Variants in WWOX observed in about 807,000 individuals in gnomAD.
The protein encoded by WWOX is WW domain-containing oxidoreductase.
Under a neutral mutation model 46.2 loss-of-function variants are expected in WWOX, and 69 were observed. That is an observed-to-expected ratio of 1.49 (90% CI 1.23 to 1.82). WWOX has a LOEUF of 1.82. Among genes scored for constraint, WWOX ranks in the 40% most tolerant of loss-of-function variants. The pLI is 0.00. For synonymous variants in WWOX, 359 were observed against 202.6 expected (o/e 1.77, Z -6.56); for missense variants, 919 against 542.6 (o/e 1.69, Z -6.89).
chr16:78,722,393 G>T (rs558339387), intron 8 of WWOX, among the ~76,000 whole-genome samples: 4 of 152,294 alleles, frequency 2.6e-5, no homozygotes, highest in South Asian at 4.1e-4. Flanking sequence ...TAAGGATTCA[G>T]TGATGGAGAA....
At chr16:79,175,458 C>G (rs562437399) in intron 8 of WWOX, among the ~76,000 whole-genome samples, 2 of 152,292 alleles carry the variant, frequency 1.3e-5, no homozygotes, top group African/African-American at 2.4e-5. Flanking sequence ...CAGTCTGACT[C>G]TCTTTAGCAG....
At chr16:78,291,792 G>T (rs140423937) in intron 5 of WWOX, among the ~76,000 whole-genome samples, 3 of 152,148 alleles carry the variant, frequency 2.0e-5, no homozygotes, top group Admixed American at 2.0e-4. Flanking sequence ...AGCAGGGAAA[G>T]TCACCAAAAG....
At chr16:78,722,840 A>G (rs1342516918) in intron 8 of WWOX, among the ~76,000 whole-genome samples, 1 of 151,942 alleles carries the variant, frequency 6.6e-6, no homozygotes, top group Non-Finnish European at 1.5e-5. Flanking sequence ...CAGTAGTTCA[A>G]GATCAGTCTG....
At chr16:78,931,768 T>A (rs563292498) in intron 8 of WWOX, among the ~76,000 whole-genome samples, 2 of 152,218 alleles carry the variant, frequency 1.3e-5, no homozygotes, top group Non-Finnish European at 2.9e-5. Flanking sequence ...AGGTTAGCAG[T>A]ACCCACTTGA....
intron 8 of WWOX, among the ~76,000 whole-genome samples, chr16:79,081,723 C>T (rs1029815143): frequency 1.3e-5 from 2 of 152,102 alleles, no homozygotes; most frequent in African/African-American, 2.4e-5. Flanking sequence ...GGAATTTAGA[C>T]CATGCCAAGT....
intron 5 of WWOX, chr16:78,267,237 A>G (rs1263451609): frequency 6.6e-6 from 1 of 152,154 alleles, no homozygotes; most frequent in South Asian, 2.1e-4. Flanking sequence ...GTACCCACAC[A>G]CACGTAATTT....
intron 4 of WWOX, among the ~76,000 whole-genome samples, chr16:78,121,824 A>G (rs1418429602): frequency 1.3e-5 from 2 of 151,800 alleles, no homozygotes; most frequent in Admixed American, 6.6e-5. Context: ...ACCACTCCCT[A>G]CTAATTTTAT....
intron 8 of WWOX, among the ~76,000 whole-genome samples, chr16:78,572,973 T>A (rs986847073): frequency 3.3e-5 from 5 of 152,158 alleles, no homozygotes; most frequent in African/African-American, 1.2e-4. Flanking sequence ...TCTGAAAGAA[T>A]CTGCTTCCTG....
chr16:78,454,178 A>C (rs984662816), intron 8 of WWOX, among the ~76,000 whole-genome samples: 1 of 152,148 alleles, frequency 6.6e-6, no homozygotes, highest in South Asian at 2.1e-4. Context: ...TTGTTTCCCA[A>C]ACTTTCAATG....
intron 5 of WWOX, among the ~76,000 whole-genome samples, chr16:78,333,043 CTTTTTTTTTT>C (rs11289222): frequency 0.087 from 4,973 of 57,372 alleles, 486 homozygotes; most frequent in African/African-American, 0.25. Context: ...GAGCATTATA[CTTTTTTTTTT>C]TTTTTTTTTT....
intron 8 of WWOX, among the ~76,000 whole-genome samples, chr16:78,973,440 A>G (rs1461549677): frequency 6.6e-6 from 1 of 152,210 alleles, no homozygotes; most frequent in Non-Finnish European, 1.5e-5. Flanking sequence ...TTAGCCAACC[A>G]AGTATGAATT....
At chr16:79,046,668 C>G (rs556586306) in intron 8 of WWOX, among the ~76,000 whole-genome samples, 1 of 152,282 alleles carries the variant, frequency 6.6e-6, no homozygotes, top group African/African-American at 2.4e-5. Context: ...CATAGCTTGG[C>G]TCAGCCCAGC....
At chr16:78,974,183 T>C (rs2046526963) in intron 8 of WWOX, among the ~76,000 whole-genome samples, 1 of 152,204 alleles carries the variant, frequency 6.6e-6, no homozygotes, top group Non-Finnish European at 1.5e-5. Flanking sequence ...GTTAATACTT[T>C]TGGAGGGAAA....
intron 8 of WWOX, among the ~76,000 whole-genome samples, chr16:78,771,235 G>A (rs1225651549): frequency 1.3e-5 from 2 of 152,214 alleles, no homozygotes; most frequent in Non-Finnish European, 2.9e-5. Flanking sequence ...CGCTCTGGCT[G>A]CTGTGTTGAG....
chr16:79,010,926 C>G (rs900411502), intron 8 of WWOX, among the ~76,000 whole-genome samples: 1 of 151,684 alleles, frequency 6.6e-6, no homozygotes, highest in Non-Finnish European at 1.5e-5. Context: ...CCTCGGAGGT[C>G]CTGCCATGGC....
In WWOX at chr16:78,509,027, G is replaced by A. The variant is rs1003332342; in HGVS notation, c.1056+76275G>A. 2.6e-5 allele frequency among the ~76,000 whole-genome samples: 4 copies of A among 152,400 alleles called. No homozygotes were observed. The East Asian group carries it at 5.8e-4, about 22-fold the overall frequency. ...CGTGCATGTGTGGCTTTGTAGACAC[G>A]TATGTGTGTGTGCGTGCACACCTGC... On this transcript the variant is annotated intron_variant, in intron 8 of 8. Transcript: ENST00000566780.
intron 8 of WWOX, among the ~76,000 whole-genome samples, chr16:78,536,718 G>T (rs562900875): frequency 2.0e-5 from 3 of 152,150 alleles, no homozygotes; most frequent in East Asian, 3.9e-4. Context: ...ACTATGAAAA[G>T]GGAAAATGGA....
At chr16:79,123,459 T>C (rs2150680404) in intron 8 of WWOX, among the ~76,000 whole-genome samples, 1 of 152,274 alleles carries the variant, frequency 6.6e-6, no homozygotes, top group East Asian at 1.9e-4. Flanking sequence ...AGACTCTTTT[T>C]CCTGCTTGCC....
chr16:79,159,775 G>C (rs1467339396), intron 8 of WWOX, among the ~76,000 whole-genome samples: 2 of 152,216 alleles, frequency 1.3e-5, no homozygotes, highest in Non-Finnish European at 2.9e-5. Context: ...AATTTGTGGA[G>C]TGCGAATTCT....
Sources: gnomAD v4.1 joint callset for allele counts (sites outside exome capture counted in the v4.1 genomes callset) on GRCh38, gnomAD v4.1.1 for gene constraint, MANE v1.5 for transcripts, NCBI Gene and HGNC (gene_info 2026-07-23, HGNC 2026-07-21) for gene names.